Variants in TENT2 observed in about 807,000 individuals in gnomAD.
TENT2 encodes the protein poly(A) RNA polymerase GLD2.
TENT2 carries 44 observed loss-of-function variants against 72.2 expected under a neutral mutation model. That is an observed-to-expected ratio of 0.61 (90% CI 0.48 to 0.78). TENT2 has a LOEUF of 0.78. Ranked by LOEUF, TENT2 falls within the 30% of genes least tolerant of loss-of-function variation. The probability of loss-of-function intolerance (pLI) is 0.00; values close to 1 mark genes in which losing one functional copy is unlikely to be tolerated. For missense variants in TENT2, 541 were observed against 569.6 expected (o/e 0.95, Z 0.51); for synonymous variants, 212 against 192.5 (o/e 1.10, Z -0.84).
At chr5:79,647,392 A>G (rs1454122455) in intron 8 of TENT2, among the ~76,000 whole-genome samples, 1 of 152,190 alleles carries the variant, frequency 6.6e-6, no homozygotes, top group African/African-American at 2.4e-5. Flanking sequence ...ACTAGTTGCC[A>G]TCTATGTGTT....
At chr5:79,655,759 TTA>T (rs1797500342) in intron 10 of TENT2, among the ~76,000 whole-genome samples, 1 of 151,780 alleles carries the variant, frequency 6.6e-6, no homozygotes, top group Non-Finnish European at 1.5e-5. Context: ...TTTTTTTTTT[TTA>T]CTAATATTCT....
At chr5:79,620,242 G>A (rs755166540) in intron 3 of TENT2, among the ~76,000 whole-genome samples, 159 bp downstream of exon 3, 51 of 152,180 alleles carry the variant, frequency 3.4e-4, no homozygotes, top group Non-Finnish European at 5.3e-4. Flanking sequence ...ATTTTTATGC[G>A]TTTAAAAATT....
In TENT2 at chr5:79,685,205, C is replaced by T. The variant is rs141976646; in HGVS notation, c.1387C>T (p.His463Tyr). The T allele has an allele frequency of 9.7e-5, 156 of 1,605,610 alleles. No individual in the cohort carries two copies. In the African/African-American group the frequency reaches 1.8e-3, roughly 19 times the overall value. Residue 463 changes from histidine (H) to tyrosine (Y), a missense_variant, in exon 15 of 15, where the codon CAC (histidine) becomes TAC (tyrosine). His to Tyr is a moderately conservative substitution (Grantham distance 83, BLOSUM62 2). Transcript: ENST00000453514. ...MIKDQFLKSW[H>Y]RLKNKRDLNS... ...ATTTTTCTTTCTCTCCCAGTCATGG[C>T]ACAGATTGAAAAACAAGAGAGATTT...
intron 8 of TENT2, among the ~76,000 whole-genome samples, chr5:79,648,141 T>G (rs148830786): frequency 3.2e-3 from 480 of 152,200 alleles, no homozygotes; most frequent in African/African-American, 7.2e-3. Context: ...TCTGGAAACT[T>G]GTGAGATTTA....
chr5:79,682,007 C>T lies in TENT2; in HGVS notation c.1326C>T (p.Ala442=). 6.2e-7 allele frequency: 1 copy of T among 1,613,392 alleles called. No homozygotes were observed. The highest frequency in any genetic ancestry group is 8.5e-7 in the Non-Finnish European group (1 of 1,179,722). Residue 442 remains alanine (A), a synonymous_variant, in exon 14 of 15, where the codon GCC becomes GCT. Coordinates refer to ENST00000453514, the MANE Select transcript of TENT2 (RefSeq NM_001114394.3). ...AACCTTTTGATGGAACAAATACAGCCAGAGCAGTGCACGAAAAGCAGAAAT... is the reference window on the plus strand; with the variant it reads ...AACCTTTTGATGGAACAAATACAGCTAGAGCAGTGCACGAAAAGCAGAAAT... ...VEEPFDGTNT[A]RAVHEKQKFD...
intron 11 of TENT2, among the ~76,000 whole-genome samples, chr5:79,659,576 A>AAG (rs1801000961): frequency 8.7e-6 from 1 of 115,526 alleles, no homozygotes; most frequent in African/African-American, 3.5e-5. Context: ...ATATATATAT[A>AAG]TATATATATA....
At chr5:79,683,873 G>A (rs1311114240) in intron 14 of TENT2, among the ~76,000 whole-genome samples, 3 of 123,988 alleles carry the variant, frequency 2.4e-5, no homozygotes, top group East Asian at 2.6e-4. Flanking sequence ...GCAGTGAGCC[G>A]AGATCCCGCC....
At chr5:79,619,871 C>T in intron 2 of TENT2, 86 bp downstream of exon 2, 1 of 1,508,390 alleles carries the variant, frequency 6.6e-7, no homozygotes, top group African/African-American at 1.4e-5. Context: ...AACTTTTGAA[C>T]ATGGAGAATA....
At chr5:79,667,400 C>CA (rs1346153453) in intron 11 of TENT2, among the ~76,000 whole-genome samples, 1 of 152,014 alleles carries the variant, frequency 6.6e-6, no homozygotes, top group Non-Finnish European at 1.5e-5. Flanking sequence ...ACCCTAAGTT[C>CA]AATTTTATAC....
chr5:79,647,294 T>C (rs914823924), intron 8 of TENT2, among the ~76,000 whole-genome samples: 4 of 152,214 alleles, frequency 2.6e-5, no homozygotes, highest in African/African-American at 9.6e-5. Flanking sequence ...GATCACTTTT[T>C]TAGTATTTCT....
In TENT2 at chr5:79,619,728, C is replaced by T. The variant is rs1351376292; in HGVS notation, c.80C>T (p.Pro27Leu). 4 of 1,613,746 alleles carry T rather than the reference C, an allele frequency of 2.5e-6. No homozygotes were observed. Among genetic ancestry groups the T allele is most frequent in the East Asian group, 4.5e-5 (2 of 44,862 alleles). ...QQHNNFFTLS[P>L]TVYSHQQLID... ...CATAATAACTTCTTTACCCTGTCAC[C>T]TACTGTTTATTCACACCAGCAGCTT... The change falls in exon 2 of 15, where the codon CCT becomes CTT. Residue 27 changes from proline to leucine, a missense_variant. Physicochemically the swap from Pro to Leu is moderately conservative, Grantham distance 98. Transcript: ENST00000453514.
intron 10 of TENT2, among the ~76,000 whole-genome samples, chr5:79,654,651 C>T (rs1356901433): frequency 3.3e-5 from 5 of 151,882 alleles, no homozygotes; most frequent in African/African-American, 1.2e-4. Context: ...GTCATCCCAG[C>T]TAGTGGGGTG....
At chr5:79,615,919 C>T (rs922788056) in intron 1 of TENT2, among the ~76,000 whole-genome samples, 11 of 151,236 alleles carry the variant, frequency 7.3e-5, no homozygotes, top group African/African-American at 2.4e-4. Flanking sequence ...GACGAAGTCT[C>T]GTTTTTTCGC....
chr5:79,683,313 TCACACACACACACACA>T (rs111701863), intron 14 of TENT2, among the ~76,000 whole-genome samples: 3 of 145,652 alleles, frequency 2.1e-5, no homozygotes, highest in East Asian at 2.0e-4. Context: ...ACGCACATGC[TCACACACACACACACA>T]CACACACACA....
chr5:79,633,137 T>C (rs1374983537), intron 4 of TENT2, among the ~76,000 whole-genome samples: 2 of 152,238 alleles, frequency 1.3e-5, no homozygotes, highest in Admixed American at 1.3e-4. Flanking sequence ...GGGAATTGAC[T>C]GTGAAGAATG....
chr5:79,678,062 C>A (rs1189675598), intron 12 of TENT2, among the ~76,000 whole-genome samples: 1 of 152,184 alleles, frequency 6.6e-6, no homozygotes, highest in Non-Finnish European at 1.5e-5. Flanking sequence ...GGATCTAAAA[C>A]ATTTTCCTGT....
At chr5:79,668,750 G>C in intron 11 of TENT2, 142 bp from the exon 12 acceptor site, 1 of 924,546 alleles carries the variant, frequency 1.1e-6, no homozygotes, top group African/African-American at 1.6e-5. Flanking sequence ...TTTAGTGGAA[G>C]AAAAATTTCA....
At chr5:79,673,692 C>G (rs1346931540) in intron 12 of TENT2, among the ~76,000 whole-genome samples, 3 of 151,844 alleles carry the variant, frequency 2.0e-5, no homozygotes, top group Non-Finnish European at 2.9e-5. Context: ...TTGATTGCAG[C>G]TTTACTGAAT....
In TENT2 at chr5:79,642,860, A is replaced by C; in HGVS notation, c.701A>C (p.Glu234Ala). The C allele has an allele frequency of 6.2e-7, 1 of 1,611,828 alleles. No individual in the cohort carries two copies. The highest frequency in any genetic ancestry group is 8.5e-7 in the Non-Finnish European group (1 of 1,179,068). ...PCFFQVNQKT[E>A]ARHILTLVHK... The stretch of plus-strand genomic sequence containing the variant: ...TTTTTTCAGGTAAATCAGAAGACTG[A>C]AGCACGGCATATACTCACCTTAGTC... The change falls in exon 7 of 15, where the codon GAA becomes GCA. Residue 234 changes from glutamate (E) to alanine (A), a missense_variant. Physicochemically the swap from Glu to Ala is moderately radical, Grantham distance 107. Coordinates refer to ENST00000453514, the MANE Select transcript of TENT2 (RefSeq NM_001114394.3).
Sources: allele counts gnomAD v4.1 joint callset (sites outside exome capture counted in the v4.1 genomes callset), GRCh38; gene constraint gnomAD v4.1.1; transcripts MANE v1.5; gene names NCBI Gene and HGNC (gene_info 2026-07-23, HGNC 2026-07-21).